Variants in ZBTB46 observed in about 807,000 individuals in gnomAD.
The protein encoded by ZBTB46 is zinc finger and BTB domain containing 46.
Under a neutral mutation model 44.1 loss-of-function variants are expected in ZBTB46, and 8 were observed. The observed-to-expected ratio is 0.18, with a 90% CI of 0.11 to 0.33. ZBTB46 has a LOEUF of 0.33. ZBTB46 is among the 10% of genes least tolerant of loss of function. The probability of loss-of-function intolerance (pLI) is 1.00; values close to 1 mark genes in which losing one functional copy is unlikely to be tolerated. For missense variants in ZBTB46, 651 were observed against 847.7 expected, an observed-to-expected ratio of 0.77 and a Z score of 2.88; for synonymous variants, 409 against 382.3, an observed-to-expected ratio of 1.07 and a Z score of -0.81.
At chr20:63,755,441 T>C (rs1225962717) in intron 3 of ZBTB46, among the ~76,000 whole-genome samples, 2 of 152,226 alleles carry the variant, frequency 1.3e-5, no homozygotes, top group East Asian at 3.8e-4. Context: ...TGCCACCATC[T>C]GTGTGGCCTT....
At chr20:63,809,668 G>C (rs2092706754) in intron 1 of ZBTB46, among the ~76,000 whole-genome samples, 1 of 152,188 alleles carries the variant, frequency 6.6e-6, no homozygotes, top group Non-Finnish European at 1.5e-5. Context: ...TCTGAGAAAA[G>C]ATTTCAAGGC....
chr20:63,791,157 T>C (rs867320191), intron 1 of ZBTB46, among the ~76,000 whole-genome samples: 1 of 152,196 alleles, frequency 6.6e-6, no homozygotes, highest in South Asian at 2.1e-4. Flanking sequence ...TGACCTACAC[T>C]GTGGCCATCC....
rs1568907232 is a variant in ZBTB46, at chr20:63,820,445, T to TA, written c.-34+10651_-34+10652insT. On this transcript the variant is annotated intron_variant, in intron 1 of 4. Transcript: ENST00000245663. ...TAAGAAGTATATTATATATATATAT[T>TA]TTTTTTTTGAGACAGAGTTTTGCTC... is the stretch of plus-strand genomic sequence containing the variant. 1.9e-4 allele frequency among the ~76,000 whole-genome samples: 26 copies of TA among 140,466 alleles called. No individual in the cohort carries two copies. The East Asian group carries it at 2.3e-3, about 12-fold the overall frequency. 92.2% of individuals were successfully genotyped at this position (140,466 alleles called of 152,430 possible). A position where few individuals can be genotyped will look rare whatever the true frequency, so the allele number is the denominator to read the frequency against.
chr20:63,798,829 G>A (rs2092622988), intron 1 of ZBTB46, among the ~76,000 whole-genome samples: 1 of 148,880 alleles, frequency 6.7e-6, no homozygotes, highest in Non-Finnish European at 1.5e-5. Flanking sequence ...GGGTGACAGA[G>A]CGAGACTCTG....
At chr20:63,791,895 A>G (rs1238521355) in intron 1 of ZBTB46, among the ~76,000 whole-genome samples, 4 of 152,168 alleles carry the variant, frequency 2.6e-5, no homozygotes, top group Non-Finnish European at 5.9e-5. Flanking sequence ...GGGCCGCCCT[A>G]TCAAGCCTGG....
chr20:63,786,145 A>G (rs141891647), intron 2 of ZBTB46, among the ~76,000 whole-genome samples: 52 of 152,274 alleles, frequency 3.4e-4, no homozygotes, highest in African/African-American at 1.2e-3. Context: ...TAAACATCAG[A>G]ATAAACCCCC....
At chr20:63,760,848 G>A (rs1371908753) in intron 3 of ZBTB46, among the ~76,000 whole-genome samples, 1 of 150,846 alleles carries the variant, frequency 6.6e-6, no homozygotes, top group African/African-American at 2.4e-5. Context: ...GAATGCAGCA[G>A]TGCAATCATA....
chr20:63,776,039 A>G (rs2092423363), intron 2 of ZBTB46, 77 bp from the exon 3 acceptor site: 1 of 1,466,948 alleles, frequency 6.8e-7, no homozygotes, highest in South Asian at 1.4e-5. Context: ...ACACATTTAG[A>G]AGGACAGCGA....
chr20:63,808,569 C>T (rs1353782203), intron 1 of ZBTB46, among the ~76,000 whole-genome samples: 3 of 152,188 alleles, frequency 2.0e-5, no homozygotes, highest in African/African-American at 7.2e-5. Flanking sequence ...CGAGTCCTGC[C>T]TCCCCATGAG....
chr20:63,829,907 A>C (rs1180412022), intron 1 of ZBTB46, among the ~76,000 whole-genome samples: 2 of 152,214 alleles, frequency 1.3e-5, no homozygotes, highest in Non-Finnish European at 2.9e-5. Flanking sequence ...GATACAATTA[A>C]AATGCCCGTG....
intron 2 of ZBTB46, among the ~76,000 whole-genome samples, chr20:63,785,561 A>G (rs1197064047): frequency 6.6e-6 from 1 of 152,214 alleles, no homozygotes; most frequent in Non-Finnish European, 1.5e-5. Flanking sequence ...CTGTCTCAAA[A>G]ATAAAAAAAA....
intron 1 of ZBTB46, chr20:63,816,300 T>C (rs889869059): frequency 1.4e-5 from 3 of 221,614 alleles, no homozygotes; most frequent in African/African-American, 7.1e-5. Flanking sequence ...GCTCCATCTC[T>C]GCTCACCCTC....
At chr20:63,799,353 T>C (rs535750491) in intron 1 of ZBTB46, among the ~76,000 whole-genome samples, 5 of 80,550 alleles carry the variant, frequency 6.2e-5, no homozygotes, top group African/African-American at 2.5e-4. Flanking sequence ...TGAGACTAAC[T>C]TTTTTTTTTC....
intron 3 of ZBTB46, among the ~76,000 whole-genome samples, chr20:63,760,790 C>A (rs2092267688): frequency 7.2e-6 from 1 of 139,602 alleles, no homozygotes; most frequent in Non-Finnish European, 1.7e-5. Flanking sequence ...TTTCAACACA[C>A]TGGCTTTGGG....
At chr20:63,806,206 A>C (rs1374589422) in intron 1 of ZBTB46, among the ~76,000 whole-genome samples, 1 of 150,760 alleles carries the variant, frequency 6.6e-6, no homozygotes, top group Admixed American at 6.6e-5. Flanking sequence ...GTTCGAGACC[A>C]ACCTGGCCAA....
At chr20:63,800,009 G>T (rs2092631508) in intron 1 of ZBTB46, among the ~76,000 whole-genome samples, 1 of 152,188 alleles carries the variant, frequency 6.6e-6, no homozygotes, top group Non-Finnish European at 1.5e-5. Context: ...GCTTCGCTCA[G>T]AACAGCCAAG....
At chr20:63,770,729 C>T (rs913712314) in intron 3 of ZBTB46, among the ~76,000 whole-genome samples, 5 of 152,170 alleles carry the variant, frequency 3.3e-5, no homozygotes, top group African/African-American at 4.8e-5. Flanking sequence ...GCATTCATGA[C>T]GAGGAGAACT....
intron 3 of ZBTB46, among the ~76,000 whole-genome samples, chr20:63,755,006 C>T (rs1039852287): frequency 6.6e-6 from 1 of 152,090 alleles, no homozygotes; most frequent in South Asian, 2.1e-4. Flanking sequence ...TAATTCAGAC[C>T]TACATGTTAA....
At chr20:63,823,763 C>G (rs1234285388) in intron 1 of ZBTB46, among the ~76,000 whole-genome samples, 1 of 151,968 alleles carries the variant, frequency 6.6e-6, no homozygotes, top group African/African-American at 2.4e-5. Flanking sequence ...CATCCCTGAC[C>G]ACACACTTCC....
Sources: allele counts gnomAD v4.1 joint callset (sites outside exome capture counted in the v4.1 genomes callset), GRCh38; gene constraint gnomAD v4.1.1; transcripts MANE v1.5; gene names NCBI Gene and HGNC (gene_info 2026-07-23, HGNC 2026-07-21).